ABCB1: variants seen among roughly 807,000 people sequenced by gnomAD.
The protein encoded by ABCB1 is ATP-dependent translocase ABCB1.
In ABCB1, 69 loss-of-function variants were observed where a neutral mutation model predicts 142.0. The observed-to-expected ratio is 0.49, with a 90% confidence interval of 0.40 to 0.59. ABCB1 has a LOEUF of 0.59. Ranked by LOEUF, ABCB1 falls within the 20% of genes least tolerant of loss-of-function variation. The pLI is 0.00. For missense variants in ABCB1, 1,326 were observed against 1,554.7 expected, an observed-to-expected ratio of 0.85 and a Z score of 2.47; for synonymous variants, 532 against 539.2, an observed-to-expected ratio of 0.99 and a Z score of 0.18.
chr7:87,640,307 T>G (rs1822299093), intron 1 of ABCB1, among the ~76,000 whole-genome samples: 1 of 151,900 alleles, frequency 6.6e-6, no homozygotes, highest in Non-Finnish European at 1.5e-5. Flanking sequence ...CCATTTTACC[T>G]TCCTCAGTTT....
intron 8 of ABCB1, among the ~76,000 whole-genome samples, chr7:87,560,785 A>T (rs1231932862): frequency 6.6e-6 from 1 of 152,220 alleles, no homozygotes; most frequent in Non-Finnish European, 1.5e-5. Context: ...TGTAAGCATA[A>T]TACTAAACAA....
intron 21 of ABCB1, among the ~76,000 whole-genome samples, chr7:87,529,239 T>G (rs1197473563): frequency 1.3e-5 from 2 of 152,186 alleles, no homozygotes; most frequent in Non-Finnish European, 2.9e-5. Flanking sequence ...GGTTTCATTA[T>G]CTATCCAACA....
At chr7:87,659,561 A>AT (rs1197137813) in intron 1 of ABCB1, among the ~76,000 whole-genome samples, 1 of 151,914 alleles carries the variant, frequency 6.6e-6, no homozygotes, top group Non-Finnish European at 1.5e-5. Context: ...CAGTGTTATA[A>AT]TTTTTTTTCT....
chr7:87,509,580 G>T, intron 25 of ABCB1, 99 bp from the exon 26 acceptor site: 1 of 1,289,178 alleles, frequency 7.8e-7, no homozygotes, highest in Non-Finnish European at 1.1e-6. Flanking sequence ...CCAAGTTACT[G>T]TGAGATTAAG....
intron 3 of ABCB1, among the ~76,000 whole-genome samples, chr7:87,586,424 C>T (rs1002786172): frequency 5.3e-5 from 8 of 152,056 alleles, no homozygotes; most frequent in African/African-American, 1.9e-4. Flanking sequence ...ATACTGCTTC[C>T]CTATAACTCA....
At chr7:87,623,555 T>C (rs751138871) in intron 1 of ABCB1, among the ~76,000 whole-genome samples, 1 of 152,232 alleles carries the variant, frequency 6.6e-6, no homozygotes, top group Non-Finnish European at 1.5e-5. Flanking sequence ...CCTTCCATGA[T>C]GCTCTCTGGA....
In ABCB1 at chr7:87,504,172, C is replaced by T. The variant is rs1814612949; in HGVS notation, c.*71G>A. On this transcript the variant is annotated 3_prime_UTR_variant, in exon 28 of 28. Transcript: ENST00000622132. ...CTCTTCATAATTCTGTAAGTGTTTG[C>T]TTTTAACTTTGAATAAATGTCATAT... The T allele has an allele frequency of 1.4e-5, 22 of 1,588,052 alleles. No homozygotes were observed. Among genetic ancestry groups the T allele is most frequent in the Non-Finnish European group, 1.9e-5 (22 of 1,161,302 alleles).
intron 1 of ABCB1, among the ~76,000 whole-genome samples, chr7:87,656,298 A>G (rs1019687470): frequency 6.6e-6 from 1 of 152,070 alleles, no homozygotes; most frequent in African/African-American, 2.4e-5. Flanking sequence ...TAATACAGTT[A>G]TAAGTTTATT....
At chr7:87,618,233 T>C (rs1294898675) in intron 1 of ABCB1, among the ~76,000 whole-genome samples, 1 of 152,198 alleles carries the variant, frequency 6.6e-6, no homozygotes, top group Non-Finnish European at 1.5e-5. Flanking sequence ...TCATACGGTA[T>C]AAATATGTAT....
intron 4 of ABCB1, among the ~76,000 whole-genome samples, chr7:87,573,152 G>A (rs1009332485): frequency 6.6e-6 from 1 of 152,164 alleles, no homozygotes. Flanking sequence ...GGCAAAGGAG[G>A]GGCAAAGGCA....
At chr7:87,592,928 C>CTTT (rs35396007) in intron 3 of ABCB1, among the ~76,000 whole-genome samples, 62 of 138,108 alleles carry the variant, frequency 4.5e-4, no homozygotes, top group Admixed American at 1.4e-3. Flanking sequence ...AATATATAAT[C>CTTT]TTTTTTTTTT....
intron 1 of ABCB1, chr7:87,700,492 G>A (rs918335678): frequency 1.9e-6 from 3 of 1,613,648 alleles, no homozygotes; most frequent in Non-Finnish European, 2.5e-6. Flanking sequence ...TTGCCGGAAA[G>A]TTTCACAGAA....
intron 4 of ABCB1, among the ~76,000 whole-genome samples, chr7:87,584,540 AAGAG>A (rs145001075): frequency 2.0e-5 from 3 of 151,572 alleles, no homozygotes; most frequent in Non-Finnish European, 4.4e-5. Context: ...CCAATCGAGA[AAGAG>A]AGAGAGAGAG....
intron 1 of ABCB1, chr7:87,710,598 T>C: frequency 6.2e-7 from 1 of 1,601,332 alleles, no homozygotes; most frequent in Non-Finnish European, 8.5e-7. Context: ...GTAGCACTCA[T>C]GGAAAAACAT....
intron 7 of ABCB1, among the ~76,000 whole-genome samples, chr7:87,562,061 A>T (rs140271658): frequency 2.0e-5 from 3 of 152,326 alleles, no homozygotes; most frequent in East Asian, 3.9e-4. Context: ...TATTCTTTCA[A>T]TAAAAAATTC....
chr7:87,665,173 A>C (rs1417955227), intron 1 of ABCB1, among the ~76,000 whole-genome samples: 6 of 152,198 alleles, frequency 3.9e-5, no homozygotes, highest in African/African-American at 1.4e-4. Flanking sequence ...CTGTTTGCAG[A>C]TTAAATTATC....
intron 1 of ABCB1, chr7:87,709,102 G>A (rs1829850256): frequency 4.3e-6 from 1 of 235,020 alleles, no homozygotes; most frequent in Admixed American, 6.5e-5. Context: ...ATTAAAATTA[G>A]CACAACTTAT....
In ABCB1 at chr7:87,684,101, T is replaced by TA. The variant is rs574907890; in HGVS notation, c.-331+29059dup. On this transcript the variant is annotated intron_variant, in intron 1 of 28. Transcript: ENST00000265724. ...GACAAAATTCAACTTTAATTCATGT[T>TA]AAAAAAAATCTTTACAGCTAGGTAT... 3.0e-3 allele frequency among the ~76,000 whole-genome samples: 463 copies of TA among 152,168 alleles called. 2 individuals are homozygous for TA. The highest frequency in any genetic ancestry group is 0.011 in the African/African-American group (444 of 41,522).
chr7:87,544,423 A>C, intron 16 of ABCB1, 148 bp from the exon 17 acceptor site: 1 of 861,718 alleles, frequency 1.2e-6, no homozygotes, highest in Non-Finnish European at 1.8e-6. Context: ...AAAAAATGTC[A>C]TAGTGATTAT....
Sources: allele counts gnomAD v4.1 joint callset (sites outside exome capture counted in the v4.1 genomes callset), GRCh38; gene constraint gnomAD v4.1.1; transcripts MANE v1.5; gene names NCBI Gene and HGNC (gene_info 2026-07-23, HGNC 2026-07-21).